The following PARP8 variants were observed in gnomAD, a reference collection of about 807,000 sequenced individuals.
PARP8 encodes the protein protein mono-ADP-ribosyltransferase PARP8.
PARP8 carries 51 observed loss-of-function variants against 124.1 expected under a neutral mutation model. That is an observed-to-expected ratio of 0.41 (90% CI 0.33 to 0.52). PARP8 has a LOEUF of 0.52. PARP8 is among the 20% of genes least tolerant of loss of function. The pLI, the probability that PARP8 is intolerant of heterozygous loss-of-function variation, is 0.21. For synonymous variants in PARP8, 391 were observed against 361.5 expected, an observed-to-expected ratio of 1.08 and a Z score of -0.93; for missense variants, 860 against 1,018.9, an observed-to-expected ratio of 0.84 and a Z score of 2.12.
At chr5:50,799,414 C>T (rs1742937897) in intron 14 of PARP8, among the ~76,000 whole-genome samples, 1 of 152,134 alleles carries the variant, frequency 6.6e-6, no homozygotes, top group Non-Finnish European at 1.5e-5. Context: ...AAGTCTTTTT[C>T]CACTGATCTG....
chr5:50,821,607 C>T (rs979337387), intron 16 of PARP8, among the ~76,000 whole-genome samples: 2 of 152,142 alleles, frequency 1.3e-5, no homozygotes, highest in Admixed American at 1.3e-4. Flanking sequence ...CTTCTTCCTC[C>T]CCAGCTATCT....
chr5:50,739,475 A>T (rs1164429553), intron 2 of PARP8, among the ~76,000 whole-genome samples: 1 of 151,896 alleles, frequency 6.6e-6, no homozygotes, highest in Non-Finnish European at 1.5e-5. Context: ...TCCATATTTC[A>T]TCTTCCTTGT....
At position 50,763,340 on chromosome 5, in the gene PARP8, TG is replaced by T. The variant is rs1162786357; in HGVS notation, c.518+99del. ...TAAAGGAAAAATTTGGGGTTTTAAT[TG>T]TATTTTAAAGTGTTTTAGAAAGAGT... On this transcript the variant is annotated intron_variant, in intron 7 of 25. Transcript: ENST00000281631. 3 of 905,230 alleles carry T rather than the reference TG, an allele frequency of 3.3e-6. No individual in the cohort carries two copies. The African/African-American group carries it at 5.0e-5, about 15-fold the overall frequency. 56.1% of individuals were successfully genotyped at this position (905,230 alleles called of 1,614,324 possible).
At chr5:50,759,558 G>T (rs1204278493) in intron 3 of PARP8, 85 bp from the exon 4 acceptor site, 19 of 1,365,356 alleles carry the variant, frequency 1.4e-5, no homozygotes, top group Non-Finnish European at 1.7e-5. Flanking sequence ...CTAAAGTGAT[G>T]TGCATATAAA....
intron 2 of PARP8, among the ~76,000 whole-genome samples, chr5:50,745,610 G>A (rs1340309928): frequency 6.6e-6 from 1 of 152,174 alleles, no homozygotes; most frequent in Non-Finnish European, 1.5e-5. Context: ...CCTCTAACTG[G>A]AGGTAGACAA....
intron 2 of PARP8, among the ~76,000 whole-genome samples, chr5:50,728,970 A>G (rs1378674033): frequency 6.6e-6 from 1 of 152,120 alleles, no homozygotes; most frequent in Non-Finnish European, 1.5e-5. Flanking sequence ...TCTAATTTTT[A>G]TTGGAACTGA....
At chr5:50,719,286 C>T (rs1755639262) in intron 2 of PARP8, among the ~76,000 whole-genome samples, 1 of 152,004 alleles carries the variant, frequency 6.6e-6, no homozygotes, top group Non-Finnish European at 1.5e-5. Flanking sequence ...TGTCTCTTCA[C>T]TTTGTTGATT....
At chr5:50,754,359 G>A (rs1384915285) in intron 3 of PARP8, among the ~76,000 whole-genome samples, 3 of 151,472 alleles carry the variant, frequency 2.0e-5, no homozygotes, top group South Asian at 2.1e-4. Context: ...ACAGGCCCCA[G>A]TGTGTGATGT....
chr5:50,752,706 A>C (rs1369008032), intron 3 of PARP8, among the ~76,000 whole-genome samples: 1 of 152,070 alleles, frequency 6.6e-6, no homozygotes, highest in East Asian at 1.9e-4. Flanking sequence ...TCTTGATACT[A>C]CATTTATGAA....
chr5:50,771,302 G>T (rs1475900486), intron 7 of PARP8, among the ~76,000 whole-genome samples: 1 of 152,134 alleles, frequency 6.6e-6, no homozygotes, highest in Non-Finnish European at 1.5e-5. Context: ...TGAGACTACA[G>T]GCATTTGCCA....
intron 2 of PARP8, among the ~76,000 whole-genome samples, chr5:50,727,986 G>C (rs1756601188): frequency 6.6e-6 from 1 of 152,068 alleles, no homozygotes; most frequent in South Asian, 2.1e-4. Flanking sequence ...CACCTGTGTT[G>C]GCACAGAGTG....
chr5:50,739,810 T>C (rs1044067356), intron 2 of PARP8, among the ~76,000 whole-genome samples: 1 of 146,950 alleles, frequency 6.8e-6, no homozygotes, highest in African/African-American at 2.5e-5. Context: ...ATCTTGGATC[T>C]CTGATCTCGG....
At chr5:50,718,932 A>G (rs184363960) in intron 2 of PARP8, among the ~76,000 whole-genome samples, 294 of 152,048 alleles carry the variant, frequency 1.9e-3, no homozygotes, top group African/African-American at 6.7e-3. Flanking sequence ...CCCACCAACA[A>G]TGTACCAGGG....
chr5:50,676,526 C>T (rs188114264), intron 2 of PARP8, among the ~76,000 whole-genome samples: 32 of 152,126 alleles, frequency 2.1e-4, no homozygotes, highest in African/African-American at 7.5e-4. Context: ...GTCCGTCTTC[C>T]GTCTCATAGG....
At chr5:50,804,475 C>G (rs781126700) in intron 14 of PARP8, among the ~76,000 whole-genome samples, 2 of 152,144 alleles carry the variant, frequency 1.3e-5, no homozygotes, top group Non-Finnish European at 2.9e-5. Flanking sequence ...GTAGCACTTG[C>G]GGCTACAGTG....
chr5:50,818,618 A>G (rs1444410759), intron 15 of PARP8, among the ~76,000 whole-genome samples: 1 of 151,844 alleles, frequency 6.6e-6, no homozygotes, highest in Non-Finnish European at 1.5e-5. Context: ...GGCTCAAGTG[A>G]TCCTCCCACC....
chr5:50,768,022 T>G (rs1038944661), intron 7 of PARP8, among the ~76,000 whole-genome samples: 63 of 152,116 alleles, frequency 4.1e-4, no homozygotes, highest in Non-Finnish European at 4.4e-5. Flanking sequence ...TGTGTGTGTG[T>G]GTGTGTGTGT....
chr5:50,813,358 G>A (rs1252829203), intron 14 of PARP8, among the ~76,000 whole-genome samples: 1 of 151,604 alleles, frequency 6.6e-6, no homozygotes, highest in African/African-American at 2.4e-5. Context: ...TGAAGCAATT[G>A]TGAATGGAGT....
chr5:50,686,999 C>A (rs553946243), intron 2 of PARP8, among the ~76,000 whole-genome samples: 2 of 152,196 alleles, frequency 1.3e-5, no homozygotes, highest in African/African-American at 2.4e-5. Flanking sequence ...GATTAACATT[C>A]GGCTTCTAGT....
Sources: allele counts gnomAD v4.1 joint callset (sites outside exome capture counted in the v4.1 genomes callset), GRCh38; gene constraint gnomAD v4.1.1; transcripts MANE v1.5; gene names NCBI Gene and HGNC (gene_info 2026-07-23, HGNC 2026-07-21).